The following DPP10 variants were observed in gnomAD, a reference collection of about 807,000 sequenced individuals.
DPP10 encodes the protein dipeptidyl peptidase like 10.
A neutral mutation model predicts 120.9 loss-of-function variants in DPP10; 33 were observed. That is an observed-to-expected ratio of 0.27 (90% CI 0.21 to 0.37). The LOEUF (loss-of-function observed/expected upper bound fraction) is 0.37. DPP10 is among the 10% of genes least tolerant of loss of function. The probability of loss-of-function intolerance (pLI) is 1.00; values close to 1 mark genes in which losing one functional copy is unlikely to be tolerated. For synonymous variants in DPP10, 337 were observed against 326.1 expected (o/e 1.03, Z -0.36); for missense variants, 816 against 942.8 (o/e 0.87, Z 1.76).
chr2:114,641,017 A>T lies in DPP10; in HGVS notation c.60+198179A>T, dbSNP rs116485571. ...TTTTAGTTTCCTATCTGGTTTGAAGAGGAGAAAAATAAAAGTCATGAAACA... is the reference window on the plus strand; with the variant it reads ...TTTTAGTTTCCTATCTGGTTTGAAGTGGAGAAAAATAAAAGTCATGAAACA... On this transcript the variant is annotated intron_variant, in intron 1 of 25. Transcript: ENST00000410059. Among the ~76,000 whole-genome samples the T allele has an allele frequency of 1.2e-3, 190 of 152,062 alleles. 3 individuals are homozygous for T. The highest frequency in any genetic ancestry group is 4.4e-3 in the African/African-American group (181 of 41,322).
intron 1 of DPP10, among the ~76,000 whole-genome samples, chr2:115,194,345 C>A (rs1458884274): frequency 6.6e-6 from 1 of 152,140 alleles, no homozygotes; most frequent in Non-Finnish European, 1.5e-5. Context: ...CTGCCTCAGC[C>A]TCCTGAGTAG....
intron 1 of DPP10, among the ~76,000 whole-genome samples, chr2:114,534,077 A>T (rs1340240690): frequency 6.6e-6 from 1 of 152,200 alleles, no homozygotes; most frequent in African/African-American, 2.4e-5. Flanking sequence ...ACTTTATCTT[A>T]CAACTCTTCA....
intron 1 of DPP10, among the ~76,000 whole-genome samples, chr2:114,529,191 A>G (rs752212322): frequency 6.6e-6 from 1 of 152,012 alleles, no homozygotes. Flanking sequence ...CCAATGGCTG[A>G]GTCTTCCTTT....
intron 3 of DPP10, among the ~76,000 whole-genome samples, chr2:115,377,623 T>C (rs2065916808): frequency 2.0e-5 from 3 of 152,322 alleles, no homozygotes; most frequent in African/African-American, 7.2e-5. Flanking sequence ...ATGAAGTCCT[T>C]GCCCATGCCT....
At chr2:114,857,161 T>G (rs895143307) in intron 1 of DPP10, among the ~76,000 whole-genome samples, 1 of 152,218 alleles carries the variant, frequency 6.6e-6, no homozygotes, top group Admixed American at 6.5e-5. Context: ...TCATTGTTAA[T>G]AGACATGAAT....
intron 5 of DPP10, among the ~76,000 whole-genome samples, chr2:115,581,254 G>A (rs2081987901): frequency 6.6e-6 from 1 of 152,024 alleles, no homozygotes; most frequent in African/African-American, 2.4e-5. Flanking sequence ...AAGAATAAGT[G>A]CTCTTAGTAG....
At chr2:115,362,006 G>GT (rs11452937) in intron 3 of DPP10, among the ~76,000 whole-genome samples, 1 of 16,756 alleles carries the variant, frequency 6.0e-5, no homozygotes, top group Non-Finnish European at 1.7e-4. Flanking sequence ...GTGTGTGTAT[G>GT]TTTTGTGTGT....
intron 1 of DPP10, among the ~76,000 whole-genome samples, chr2:114,780,096 A>G (rs1037193847): frequency 6.6e-6 from 1 of 151,942 alleles, no homozygotes; most frequent in Non-Finnish European, 1.5e-5. Context: ...AGATTGCACC[A>G]CTGCACTCCA....
intron 3 of DPP10, chr2:115,469,003 C>T (rs1015983058): frequency 3.1e-5 from 7 of 222,266 alleles, no homozygotes; most frequent in Non-Finnish European, 6.2e-5. Context: ...CCCTGTTGCC[C>T]AGGCTGGAGT....
intron 3 of DPP10, among the ~76,000 whole-genome samples, chr2:115,484,934 C>T (rs932802507): frequency 4.2e-4 from 64 of 151,930 alleles, no homozygotes; most frequent in Non-Finnish European, 1.3e-4. Flanking sequence ...ACTTGTATAT[C>T]GTGTCACGTG....
chr2:114,748,338 C>CTTTTTTTTTTTTT (rs1255227047), intron 1 of DPP10, among the ~76,000 whole-genome samples: 2 of 70,318 alleles, frequency 2.8e-5, no homozygotes, highest in East Asian at 3.9e-4. Context: ...AGGGAATTTT[C>CTTTTTTTTTTTTT]TTTTTTTTTT....
At position 114,692,978 on chromosome 2, in the gene DPP10, C is replaced by T. The variant is rs190700365; in HGVS notation, c.60+250140C>T. Reference sequence around the variant, plus strand: ...TTTTAAGTCTATGTGTGTCTTTGCACGTGAGATGGGTCTTTTGAAGACAGC... The same window carrying T: ...TTTTAAGTCTATGTGTGTCTTTGCATGTGAGATGGGTCTTTTGAAGACAGC... On this transcript the variant is annotated intron_variant, in intron 1 of 25. Coordinates refer to ENST00000410059, the MANE Select transcript of DPP10 (RefSeq NM_020868.6). Among the ~76,000 whole-genome samples, 12 of 152,016 alleles carry T rather than the reference C, an allele frequency of 7.9e-5. No individual in the cohort carries two copies. In the East Asian group the frequency reaches 9.7e-4, roughly 12 times the overall value.
chr2:114,793,841 T>C (rs777161952), intron 1 of DPP10, among the ~76,000 whole-genome samples: 26 of 152,304 alleles, frequency 1.7e-4, no homozygotes, highest in Admixed American at 3.9e-4. Context: ...GACCACACTA[T>C]GTAATGTTGC....
intron 1 of DPP10, among the ~76,000 whole-genome samples, chr2:114,739,287 G>A (rs1677785425): frequency 6.6e-6 from 1 of 152,060 alleles, no homozygotes; most frequent in Non-Finnish European, 1.5e-5. Context: ...TAGGAACAAG[G>A]CAAGCCATCA....
chr2:115,697,327 C>G (rs1181532041), intron 7 of DPP10, among the ~76,000 whole-genome samples: 4 of 151,682 alleles, frequency 2.6e-5, no homozygotes, highest in Non-Finnish European at 5.9e-5. Context: ...TACATACGCT[C>G]TATAAGAAAC....
intron 1 of DPP10, among the ~76,000 whole-genome samples, chr2:114,470,361 T>C (rs1558787080): frequency 6.6e-6 from 1 of 152,326 alleles, no homozygotes; most frequent in East Asian, 1.9e-4. Context: ...CTCTGAAGAA[T>C]TGTGTTCTTT....
At chr2:114,689,001 C>T (rs1699554660) in intron 1 of DPP10, among the ~76,000 whole-genome samples, 1 of 151,558 alleles carries the variant, frequency 6.6e-6, no homozygotes, top group African/African-American at 2.4e-5. Context: ...CAGGTTAATA[C>T]TCATTCATGT....
chr2:115,121,687 G>A (rs2104739421), intron 1 of DPP10, among the ~76,000 whole-genome samples: 1 of 152,278 alleles, frequency 6.6e-6, no homozygotes, highest in Admixed American at 6.5e-5. Context: ...CTAGAGGAGT[G>A]TCCTTACAGC....
intron 1 of DPP10, among the ~76,000 whole-genome samples, chr2:114,472,255 T>C (rs1679983267): frequency 6.6e-6 from 1 of 152,218 alleles, no homozygotes; most frequent in Non-Finnish European, 1.5e-5. Context: ...AGGTCCTTAC[T>C]GTCCTACAGG....
Sources: gnomAD v4.1 joint callset for allele counts (sites outside exome capture counted in the v4.1 genomes callset) on GRCh38, gnomAD v4.1.1 for gene constraint, MANE v1.5 for transcripts, NCBI Gene and HGNC (gene_info 2026-07-23, HGNC 2026-07-21) for gene names.